Variants in XPO4 observed in about 807,000 individuals in gnomAD.
XPO4 encodes exportin-4.
In XPO4, 39 loss-of-function variants were observed where a neutral mutation model predicts 143.0. The observed-to-expected ratio is 0.27, with a 90% CI of 0.21 to 0.36. The LOEUF is 0.36. Ranked by LOEUF, XPO4 falls within the 10% of genes least tolerant of loss-of-function variation. The probability of loss-of-function intolerance (pLI) is 1.00; values close to 1 mark genes in which losing one functional copy is unlikely to be tolerated. For missense variants in XPO4, 907 were observed against 1,348.0 expected, an observed-to-expected ratio of 0.67 and a Z score of 5.12; for synonymous variants, 439 against 474.0, an observed-to-expected ratio of 0.93 and a Z score of 0.96.
At chr13:20,790,177 G>A (rs2059261757) in intron 19 of XPO4, among the ~76,000 whole-genome samples, 1 of 152,138 alleles carries the variant, frequency 6.6e-6, no homozygotes, top group Admixed American at 6.6e-5. Context: ...CTAACAGAAT[G>A]TACTTTCTAA....
intron 5 of XPO4, among the ~76,000 whole-genome samples, chr13:20,843,478 G>C (rs2059997530): frequency 6.6e-6 from 1 of 152,134 alleles, no homozygotes; most frequent in South Asian, 2.1e-4. Flanking sequence ...AAGGCCAGCA[G>C]AGTCCCTTCA....
At chr13:20,866,200 T>G (rs2060243567) in intron 2 of XPO4, 1 of 985,242 alleles carries the variant, frequency 1.0e-6, no homozygotes, top group Non-Finnish European at 1.2e-6. Flanking sequence ...AGTGCTCTTC[T>G]GACAAAATGC....
intron 3 of XPO4, among the ~76,000 whole-genome samples, chr13:20,859,606 C>T (rs534137174): frequency 4.1e-5 from 6 of 146,180 alleles, no homozygotes; most frequent in South Asian, 2.2e-4. Flanking sequence ...TCTCAAAAAA[C>T]AAACCAAAAA....
intron 1 of XPO4, among the ~76,000 whole-genome samples, chr13:20,875,281 T>G (rs554475082): frequency 3.4e-4 from 52 of 152,316 alleles, no homozygotes; most frequent in Admixed American, 7.2e-4. Flanking sequence ...AACATTTTGT[T>G]AAATTAAATT....
chr13:20,801,398 AGTTT>A (rs1465599434), intron 13 of XPO4, among the ~76,000 whole-genome samples: 1 of 152,204 alleles, frequency 6.6e-6, no homozygotes, highest in Non-Finnish European at 1.5e-5. Context: ...TGGTTAGTAT[AGTTT>A]GTGTTTTTAT....
chr13:20,835,238 C>CA (rs974580456), intron 6 of XPO4, among the ~76,000 whole-genome samples: 2 of 151,712 alleles, frequency 1.3e-5, no homozygotes, highest in African/African-American at 4.8e-5. Flanking sequence ...ACTGATTATT[C>CA]AAAAAAAGAG....
chr13:20,810,042 T>C (rs1043099747), intron 9 of XPO4, 75 bp from the exon 10 acceptor site: 92 of 1,220,474 alleles, frequency 7.5e-5, no homozygotes, highest in Non-Finnish European at 9.6e-5. Context: ...TATAAATACA[T>C]ACAAATAGTT....
intron 15 of XPO4, 45 bp from the exon 16 acceptor site, chr13:20,799,384 TACATACAC>T: frequency 1.3e-6 from 2 of 1,538,884 alleles, no homozygotes; most frequent in Non-Finnish European, 1.8e-6. Flanking sequence ...ACTATGTATA[TACATACAC>T]ACATACACAT....
chr13:20,781,409 G>A lies in XPO4; in HGVS notation c.*2313C>T, dbSNP rs2059141709. ...TCCCCATCACCTAAAAAATGGTAGT[G>A]GCTTCTCCCCACCCCAGTGAGCTAA... On this transcript the variant is annotated 3_prime_UTR_variant, in exon 23 of 23. Transcript: ENST00000255305. 1 of 152,594 alleles carries A rather than the reference G, an allele frequency of 6.6e-6. No individual in the cohort carries two copies. Among genetic ancestry groups the A allele is most frequent in the African/African-American group, 2.4e-5 (1 of 41,436 alleles). The allele number at this position is 152,594 out of a possible 1,614,324, so 9.5% of individuals were successfully genotyped here. A position where few individuals can be genotyped will look rare whatever the true frequency, so the allele number is the denominator to read the frequency against.
At chr13:20,798,160 G>A (rs887231298) in intron 16 of XPO4, among the ~76,000 whole-genome samples, 3 of 152,064 alleles carry the variant, frequency 2.0e-5, no homozygotes, top group African/African-American at 7.2e-5. Context: ...AAGAAAATAG[G>A]GTTGTCATAG....
intron 6 of XPO4, among the ~76,000 whole-genome samples, chr13:20,828,859 T>C (rs2059819234): frequency 6.6e-6 from 1 of 152,164 alleles, no homozygotes; most frequent in Non-Finnish European, 1.5e-5. Flanking sequence ...GCACCGATCA[T>C]GGTCTAAGGT....
intron 3 of XPO4, among the ~76,000 whole-genome samples, chr13:20,860,833 A>T (rs2060189940): frequency 6.6e-6 from 1 of 152,196 alleles, no homozygotes; most frequent in Admixed American, 6.5e-5. Flanking sequence ...CCTCCTCACA[A>T]ACATGTATAT....
chr13:20,902,072 A>C, intron 1 of XPO4: 2 of 985,408 alleles, frequency 2.0e-6, no homozygotes, highest in Non-Finnish European at 2.4e-6. Flanking sequence ...TAAGGAGCTT[A>C]GCACTAGACC....
rs771991729 is a variant in XPO4 at position 20,796,822 on chromosome 13, T to C, written c.2558A>G (p.Asn853Ser). ...EVYKNTPETVNLIIEVFVEVA... is the reference protein window; with the variant it reads ...EVYKNTPETVSLIIEVFVEVA... Reference sequence around the variant, plus strand: ...TTCAACAAAAACTTCTATAATGAGATTGACAGTCTCTGGGGTATTCTTGTA... The same window carrying C: ...TTCAACAAAAACTTCTATAATGAGACTGACAGTCTCTGGGGTATTCTTGTA... The change falls in exon 17 of 23, where the codon AAT becomes AGT. Residue 853 changes from asparagine (N) to serine (S), a missense_variant. Asn to Ser is a conservative substitution (Grantham distance 46). Transcript: ENST00000255305. The C allele has an allele frequency of 5.8e-5, 94 of 1,613,964 alleles. No individual in the cohort carries two copies. The highest frequency in any genetic ancestry group is 7.9e-5 in the Non-Finnish European group (93 of 1,179,988).
At chr13:20,871,799 A>G (rs955518568) in intron 1 of XPO4, among the ~76,000 whole-genome samples, 2 of 152,214 alleles carry the variant, frequency 1.3e-5, no homozygotes, top group African/African-American at 2.4e-5. Flanking sequence ...ACATATACTT[A>G]ATCTACTAGA....
chr13:20,819,659 C>CA (rs976395315), intron 9 of XPO4, among the ~76,000 whole-genome samples: 26 of 142,468 alleles, frequency 1.8e-4, no homozygotes, highest in East Asian at 4.0e-4. Flanking sequence ...GACTCCATCT[C>CA]AAAAAAAAAA....
chr13:20,877,767 T>A (rs181980893), intron 1 of XPO4, among the ~76,000 whole-genome samples: 1 of 152,118 alleles, frequency 6.6e-6, no homozygotes, highest in East Asian at 1.9e-4. Flanking sequence ...CAATGAACAA[T>A]AGGCTAGACA....
intron 2 of XPO4, among the ~76,000 whole-genome samples, chr13:20,863,960 G>A (rs1284048007): frequency 2.0e-5 from 3 of 152,154 alleles, no homozygotes; most frequent in African/African-American, 7.2e-5. Context: ...AAAAATGTAT[G>A]AGAAAAGGTG....
chr13:20,855,476 A>AG (rs71087102), intron 4 of XPO4, 151 bp downstream of exon 4: 64 of 811,096 alleles, frequency 7.9e-5, no homozygotes, highest in Non-Finnish European at 1.1e-4. Context: ...AAAAAAAAAA[A>AG]GACTAGAAGA....
Sources: allele counts gnomAD v4.1 joint callset (sites outside exome capture counted in the v4.1 genomes callset), GRCh38; gene constraint gnomAD v4.1.1; transcripts MANE v1.5; gene names NCBI Gene and HGNC (gene_info 2026-07-23, HGNC 2026-07-21).